PCDH15: variants seen among roughly 807,000 people sequenced by gnomAD.
PCDH15 encodes protocadherin-15.
PCDH15 carries 129 observed loss-of-function variants against 178.5 expected under a neutral mutation model. That is an observed-to-expected ratio of 0.72 (90% CI 0.63 to 0.84). The LOEUF (loss-of-function observed/expected upper bound fraction) is 0.84. PCDH15 is among the 40% of genes least tolerant of loss of function. The pLI is 0.00. For missense variants in PCDH15, 2,230 were observed against 2,099.9 expected (o/e 1.06, Z -1.21); for synonymous variants, 800 against 732.0 (o/e 1.09, Z -1.50).
chr10:54,689,514 C>T lies in PCDH15; in HGVS notation c.-28-25224G>A, dbSNP rs557754811. On this transcript the variant is annotated intron_variant, in intron 1 of 37. Transcript: ENST00000644397. ...ACTACTTTCCTCATTAACTTACCAG[C>T]CATGAAAAGCACTGTGCAAAAGTCA... Among the ~76,000 whole-genome samples, 123 of 152,250 alleles carry T rather than the reference C, an allele frequency of 8.1e-4. 2 individuals are homozygous for T. The highest frequency in any genetic ancestry group is 6.8e-3 in the Middle Eastern group (2 of 294).
intron 15 of PCDH15, among the ~76,000 whole-genome samples, chr10:54,109,566 T>A (rs2132682146): frequency 6.6e-6 from 1 of 152,116 alleles, no homozygotes; most frequent in Non-Finnish European, 1.5e-5. Context: ...AATAAGAAAA[T>A]TAAGGGAAAT....
chr10:54,789,277 CCCT>C (rs1275776689), intron 1 of PCDH15, among the ~76,000 whole-genome samples: 1 of 151,750 alleles, frequency 6.6e-6, no homozygotes, highest in Non-Finnish European at 1.5e-5. Flanking sequence ...TCTATTTTGT[CCCT>C]TGTTAAATTT....
intron 8 of PCDH15, among the ~76,000 whole-genome samples, chr10:54,270,886 A>T (rs1360747460): frequency 6.6e-6 from 1 of 152,300 alleles, no homozygotes; most frequent in African/African-American, 2.4e-5. Flanking sequence ...GCAAAATAGG[A>T]AACTAACAAA....
intron 18 of PCDH15, among the ~76,000 whole-genome samples, chr10:54,048,558 T>C (rs764249905): frequency 6.6e-6 from 1 of 152,186 alleles, no homozygotes; most frequent in Non-Finnish European, 1.5e-5. Context: ...TTAGTGCATC[T>C]TGACATACTT....
chr10:53,894,394 G>A (rs1045843598), intron 26 of PCDH15, among the ~76,000 whole-genome samples: 1 of 152,252 alleles, frequency 6.6e-6, no homozygotes, highest in South Asian at 2.1e-4. Flanking sequence ...AGGGTGGTAT[G>A]GCCATAGATG....
At chr10:55,528,735 T>C (rs998645881) in intron 2 of PCDH15, among the ~76,000 whole-genome samples, 10 of 152,160 alleles carry the variant, frequency 6.6e-5, no homozygotes, top group African/African-American at 2.2e-4. Context: ...CCCTTGGGTA[T>C]ATACCCAGTA....
intron 27 of PCDH15, 116 bp from the exon 28 acceptor site, chr10:53,857,379 C>G: frequency 2.6e-6 from 2 of 760,484 alleles, no homozygotes; most frequent in Non-Finnish European, 4.6e-6. Context: ...TTCTGATTTT[C>G]AAATTCAGGA....
chr10:54,251,629 A>G (rs1014970707), intron 8 of PCDH15, among the ~76,000 whole-genome samples: 2 of 152,308 alleles, frequency 1.3e-5, no homozygotes, highest in African/African-American at 4.8e-5. Context: ...TTGCTGGTCT[A>G]TAAAATAAAG....
intron 3 of PCDH15, among the ~76,000 whole-genome samples, chr10:54,884,034 T>C (rs1441378995): frequency 2.0e-5 from 3 of 152,046 alleles, no homozygotes; most frequent in African/African-American, 7.2e-5. Context: ...GTTAACTCAT[T>C]ATGTGGACTA....
intron 20 of PCDH15, among the ~76,000 whole-genome samples, chr10:54,008,610 A>G (rs1037825973): frequency 6.6e-6 from 1 of 152,170 alleles, no homozygotes; most frequent in African/African-American, 2.4e-5. Context: ...ATGAGTGTTT[A>G]CCATAACTGT....
intron 20 of PCDH15, among the ~76,000 whole-genome samples, chr10:54,011,496 T>C (rs2135164095): frequency 6.6e-6 from 1 of 152,254 alleles, no homozygotes; most frequent in South Asian, 2.1e-4. Flanking sequence ...AGCTACAATG[T>C]GTAGCCTGGG....
chr10:54,013,495 C>T (rs2092652267), intron 20 of PCDH15, among the ~76,000 whole-genome samples: 1 of 152,044 alleles, frequency 6.6e-6, no homozygotes, highest in Non-Finnish European at 1.5e-5. Flanking sequence ...TAAAATTGAC[C>T]ACACAATTGG....
chr10:53,986,739 C>G (rs2091129485), intron 21 of PCDH15, among the ~76,000 whole-genome samples: 1 of 152,188 alleles, frequency 6.6e-6, no homozygotes, highest in Non-Finnish European at 1.5e-5. Context: ...ACCAATACCG[C>G]ATGATTGCAT....
chr10:55,013,569 A>G (rs1426924988), intron 2 of PCDH15, among the ~76,000 whole-genome samples: 1 of 152,044 alleles, frequency 6.6e-6, no homozygotes, highest in East Asian at 1.9e-4. Flanking sequence ...TGCAGTACCT[A>G]CCATCAATCT....
At chr10:53,856,754 G>T (rs1422789128) in intron 28 of PCDH15, among the ~76,000 whole-genome samples, 7 of 151,576 alleles carry the variant, frequency 4.6e-5, no homozygotes, top group Non-Finnish European at 1.0e-4. Flanking sequence ...TAGACTTTGA[G>T]AAAACAGTAA....
chr10:55,427,042 TG>T (rs1298530000), intron 2 of PCDH15, among the ~76,000 whole-genome samples: 5 of 152,044 alleles, frequency 3.3e-5, no homozygotes, highest in Admixed American at 2.0e-4. Context: ...AAAACAGGGA[TG>T]TAAGTTCTCA....
At chr10:54,839,489 A>T (rs953162380) in intron 3 of PCDH15, among the ~76,000 whole-genome samples, 1 of 152,086 alleles carries the variant, frequency 6.6e-6, no homozygotes, top group African/African-American at 2.4e-5. Context: ...ATAAAGGAAA[A>T]ACTGTAAAGA....
At chr10:54,237,075 C>T (rs2054707712) in intron 8 of PCDH15, 144 bp from the exon 9 acceptor site, 3 of 758,348 alleles carry the variant, frequency 4.0e-6, no homozygotes, top group Non-Finnish European at 4.7e-6. Flanking sequence ...ATACCTTTTA[C>T]TAGTTAATTT....
intron 21 of PCDH15, among the ~76,000 whole-genome samples, chr10:53,977,475 A>T (rs1441491204): frequency 6.6e-6 from 1 of 152,178 alleles, no homozygotes; most frequent in Non-Finnish European, 1.5e-5. Context: ...TTTCAGTAAC[A>T]CTTACGTGTA....
Sources: allele counts gnomAD v4.1 joint callset (sites outside exome capture counted in the v4.1 genomes callset), GRCh38; gene constraint gnomAD v4.1.1; transcripts MANE v1.5; gene names NCBI Gene and HGNC (gene_info 2026-07-23, HGNC 2026-07-21).